The following SLC24A4 variants were observed in gnomAD, a reference collection of about 807,000 sequenced individuals.
SLC24A4 encodes the protein solute carrier family 24 member 4.
A neutral mutation model predicts 79.0 loss-of-function variants in SLC24A4; 53 were observed. The ratio of observed to expected loss-of-function variants is 0.67; its 90% confidence interval spans 0.54 to 0.84. The LOEUF (loss-of-function observed/expected upper bound fraction) is 0.84. SLC24A4 is among the 40% of genes least tolerant of loss of function. The pLI, the probability that SLC24A4 is intolerant of heterozygous loss-of-function variation, is 0.00. For missense variants in SLC24A4, 731 were observed against 822.0 expected (o/e 0.89, Z 1.35); for synonymous variants, 323 against 323.8 (o/e 1.00, Z 0.03).
chr14:92,332,340 G>C (rs1885529455), intron 2 of SLC24A4, among the ~76,000 whole-genome samples: 1 of 152,126 alleles, frequency 6.6e-6, no homozygotes, highest in African/African-American at 2.4e-5. Flanking sequence ...TAATCAGTAA[G>C]GCTTCTGGTC....
At chr14:92,343,624 CTTTCTTTCTTTCTT>C (rs1566699914) in intron 2 of SLC24A4, among the ~76,000 whole-genome samples, 3 of 148,132 alleles carry the variant, frequency 2.0e-5, no homozygotes, top group African/African-American at 7.5e-5. Context: ...TTCTTTCTTT[CTTTCTTTCTTTCTT>C]TCTCTCTTTC....
intron 10 of SLC24A4, 26 bp from the exon 11 acceptor site, chr14:92,453,874 A>G: frequency 3.1e-6 from 5 of 1,591,448 alleles, no homozygotes; most frequent in Non-Finnish European, 4.3e-6. Context: ...AGAGATCAGC[A>G]CTAATCACGG....
chr14:92,383,255 C>T (rs1324696332), intron 2 of SLC24A4, among the ~76,000 whole-genome samples: 1 of 152,226 alleles, frequency 6.6e-6, no homozygotes, highest in Non-Finnish European at 1.5e-5. Flanking sequence ...GGGCACCCCC[C>T]ACTCTGCAGT....
intron 11 of SLC24A4, among the ~76,000 whole-genome samples, chr14:92,455,720 CT>C (rs71461968): frequency 2.8e-4 from 42 of 148,196 alleles, no homozygotes; most frequent in East Asian, 1.6e-3. Context: ...TGTAAGTGTA[CT>C]TTTTTTTTTT....
At chr14:92,464,860 A>C (rs1472227121) in intron 12 of SLC24A4, among the ~76,000 whole-genome samples, 1 of 152,200 alleles carries the variant, frequency 6.6e-6, no homozygotes, top group African/African-American at 2.4e-5. Context: ...GACCAGACCC[A>C]AGGGCCGCCA....
In SLC24A4 at chr14:92,491,797, A is replaced by G; in HGVS notation, c.1650+20A>G. On this transcript the variant is annotated intron_variant, in intron 15 of 16. Coordinates refer to ENST00000532405, the MANE Select transcript of SLC24A4 (RefSeq NM_153646.4). ...TCAACAGTAAGTTCCTCTCACCTTT[A>G]ACAGATGTGTTTTACCCAGAAGGCT... The G allele has an allele frequency of 6.3e-7, 1 of 1,576,412 alleles. No individual in the cohort carries two copies.
intron 2 of SLC24A4, among the ~76,000 whole-genome samples, chr14:92,391,408 G>A (rs558942798): frequency 3.5e-4 from 54 of 152,146 alleles, no homozygotes; most frequent in African/African-American, 1.3e-3. Context: ...CTAAACACTG[G>A]GTTTCCCTAA....
chr14:92,422,155 T>G (rs1316325876), intron 2 of SLC24A4, among the ~76,000 whole-genome samples: 2 of 152,260 alleles, frequency 1.3e-5, no homozygotes, highest in Non-Finnish European at 2.9e-5. Flanking sequence ...TGTTCACAGA[T>G]GTATTTTCAG....
In SLC24A4 at chr14:92,501,265, A is replaced by C. The variant is rs1896149644; in HGVS notation, c.*7637A>C. 1 of 152,216 alleles carries C rather than the reference A, an allele frequency of 6.6e-6. No homozygotes were observed. The highest frequency in any genetic ancestry group is 1.5e-5 in the Non-Finnish European group (1 of 68,044). The allele number at this position is 152,216 out of a possible 1,614,324, so 9.4% of individuals were successfully genotyped here. A position where few individuals can be genotyped will look rare whatever the true frequency, so the allele number is the denominator to read the frequency against. ...AATAACTGTGACCTCCTGCACTGTG[A>C]ATGCTCTGTGACATGAGATTCTTAG... On this transcript the variant is annotated 3_prime_UTR_variant, in exon 17 of 17. Coordinates refer to ENST00000532405, the MANE Select transcript of SLC24A4 (RefSeq NM_153646.4).
At chr14:92,489,162 G>A (rs1291313501) in intron 14 of SLC24A4, among the ~76,000 whole-genome samples, 1 of 152,070 alleles carries the variant, frequency 6.6e-6, no homozygotes, top group Non-Finnish European at 1.5e-5. Context: ...TCCTGGCTGG[G>A]CGCGGTGGGT....
In SLC24A4 at chr14:92,493,712, C is replaced by G; in HGVS notation, c.*84C>G. ...CTCCCCTCCTTCCCCCACCACAGGT[C>G]TCTCCTGCATAGGCAGCCACTGTCC... is the stretch of plus-strand genomic sequence containing the variant. On this transcript the variant is annotated 3_prime_UTR_variant, in exon 17 of 17. Coordinates refer to ENST00000532405, the MANE Select transcript of SLC24A4 (RefSeq NM_153646.4). 3 of 1,478,980 alleles carry G rather than the reference C, an allele frequency of 2.0e-6. No individual in the cohort carries two copies. Among genetic ancestry groups the G allele is most frequent in the Admixed American group, 1.9e-5 (1 of 52,748 alleles). 91.6% of individuals were successfully genotyped at this position (1,478,980 alleles called of 1,614,324 possible). A position where few individuals can be genotyped will look rare whatever the true frequency, so the allele number is the denominator to read the frequency against.
At chr14:92,339,941 C>T (rs1886030265) in intron 2 of SLC24A4, among the ~76,000 whole-genome samples, 1 of 152,136 alleles carries the variant, frequency 6.6e-6, no homozygotes, top group East Asian at 1.9e-4. Context: ...CTTGGGGTGT[C>T]AAGGAATAGG....
rs754681229 is a variant in SLC24A4 at position 92,491,732 on chromosome 14, TG to T, written c.1606del (p.Val536TyrfsTer16). 6.2e-7 allele frequency: 1 copy of T among 1,614,008 alleles called. No homozygotes were observed. Among genetic ancestry groups the T allele is most frequent in the East Asian group, 2.2e-5 (1 of 44,888 alleles). ...NVFDILVGLG[V>X]PWGLQTMVVN... Reference sequence around the variant, plus strand: ...TGTTTGACATCCTGGTAGGACTTGGTGTACCGTGGGGCCTGCAGACCATGGT... The same window carrying T: ...TGTTTGACATCCTGGTAGGACTTGGTTACCGTGGGGCCTGCAGACCATGGT... On this transcript the variant is annotated frameshift_variant, in exon 15 of 17. Coordinates refer to ENST00000532405, the MANE Select transcript of SLC24A4 (RefSeq NM_153646.4). LOFTEE classifies it high-confidence loss of function.
At chr14:92,330,782 A>T (rs941974092) in intron 2 of SLC24A4, among the ~76,000 whole-genome samples, 5 of 152,198 alleles carry the variant, frequency 3.3e-5, no homozygotes, top group Non-Finnish European at 5.9e-5. Flanking sequence ...AAGGGGGCTC[A>T]TTCCATCATG....
At chr14:92,390,131 G>A (rs534158329) in intron 2 of SLC24A4, among the ~76,000 whole-genome samples, 2 of 80,458 alleles carry the variant, frequency 2.5e-5, no homozygotes, top group South Asian at 1.6e-3. Flanking sequence ...TCCCAGTCCG[G>A]GTCATCCCTG....
intron 7 of SLC24A4, 157 bp from the exon 8 acceptor site, chr14:92,445,160 A>G: frequency 1.2e-6 from 1 of 816,296 alleles, no homozygotes; most frequent in South Asian, 1.4e-5. Context: ...AGGCTACACT[A>G]AGGAAAGGCC....
chr14:92,403,490 C>T (rs561323724), intron 2 of SLC24A4, among the ~76,000 whole-genome samples: 1 of 152,012 alleles, frequency 6.6e-6, no homozygotes, highest in Admixed American at 6.6e-5. Flanking sequence ...CACCTGTAAT[C>T]CCAGCTACTC....
chr14:92,324,185 C>G (rs1884980428), intron 1 of SLC24A4, among the ~76,000 whole-genome samples: 1 of 152,152 alleles, frequency 6.6e-6, no homozygotes, highest in African/African-American at 2.4e-5. Flanking sequence ...TGGGGGGGCT[C>G]AGGACGCGGC....
chr14:92,347,698 G>A (rs972052260), intron 2 of SLC24A4, among the ~76,000 whole-genome samples: 4 of 152,176 alleles, frequency 2.6e-5, no homozygotes, highest in African/African-American at 7.2e-5. Flanking sequence ...GGAGGGCGAG[G>A]TGGGTGAATC....
Sources: allele counts gnomAD v4.1 joint callset (sites outside exome capture counted in the v4.1 genomes callset), GRCh38; gene constraint gnomAD v4.1.1; transcripts MANE v1.5; gene names NCBI Gene and HGNC (gene_info 2026-07-23, HGNC 2026-07-21).